Variants in ZNF385B observed in about 807,000 individuals in gnomAD.
The protein encoded by ZNF385B is zinc finger protein 385B, also known as zinc finger protein 533.
Under a neutral mutation model 39.2 loss-of-function variants are expected in ZNF385B, and 23 were observed. The observed-to-expected ratio is 0.59, with a 90% CI of 0.42 to 0.83. The LOEUF (loss-of-function observed/expected upper bound fraction) is 0.83. Ranked by LOEUF, ZNF385B falls within the 40% of genes least tolerant of loss-of-function variation. ZNF385B has a pLI of 0.00. For synonymous variants in ZNF385B, 205 were observed against 222.6 expected (o/e 0.92, Z 0.70); for missense variants, 552 against 598.9 (o/e 0.92, Z 0.82).
At chr2:179,725,806 T>C (rs1035412054) in intron 3 of ZNF385B, among the ~76,000 whole-genome samples, 5 of 150,934 alleles carry the variant, frequency 3.3e-5, no homozygotes, top group African/African-American at 9.7e-5. Context: ...CTTTTAAATA[T>C]ATGAACCTAT....
At position 179,584,322 on chromosome 2, in the gene ZNF385B, C is replaced by T. The variant is rs182332715; in HGVS notation, c.299-39353G>A. 2.3e-3 allele frequency among the ~76,000 whole-genome samples: 349 copies of T among 152,088 alleles called. 1 individual carries two copies. Among genetic ancestry groups the T allele is most frequent in the African/African-American group, 8.0e-3 (332 of 41,458 alleles). ...GGGTGGGGAGGGCAAAATAATCCTC[C>T]TACCACCTATCCTCTCACTCCCTAA... is the stretch of plus-strand genomic sequence containing the variant. On this transcript the variant is annotated intron_variant, in intron 3 of 9. Transcript: ENST00000410066.
chr2:179,724,709 A>G (rs1700896453), intron 3 of ZNF385B, among the ~76,000 whole-genome samples: 1 of 152,190 alleles, frequency 6.6e-6, no homozygotes, highest in Non-Finnish European at 1.5e-5. Flanking sequence ...ACTTTGCAGG[A>G]TAAAAATATT....
intron 3 of ZNF385B, among the ~76,000 whole-genome samples, chr2:179,652,252 T>C (rs1409801081): frequency 6.6e-6 from 1 of 152,162 alleles, no homozygotes; most frequent in African/African-American, 2.4e-5. Context: ...ATGAGTATGG[T>C]TCTAAAGTAT....
intron 3 of ZNF385B, among the ~76,000 whole-genome samples, chr2:179,552,901 C>CAT (rs576433309): frequency 1.3e-5 from 2 of 149,290 alleles, no homozygotes; most frequent in East Asian, 1.9e-4. Flanking sequence ...TACATATACT[C>CAT]ATATATATAC....
intron 3 of ZNF385B, among the ~76,000 whole-genome samples, chr2:179,718,124 C>T (rs1189455701): frequency 6.6e-6 from 1 of 151,814 alleles, no homozygotes; most frequent in Non-Finnish European, 1.5e-5. Flanking sequence ...ATTATTCTAC[C>T]AATATTTTAA....
intron 3 of ZNF385B, among the ~76,000 whole-genome samples, chr2:179,730,131 T>C (rs1048233357): frequency 2.6e-5 from 4 of 152,188 alleles, no homozygotes; most frequent in African/African-American, 7.2e-5. Flanking sequence ...TAACACTGCA[T>C]TGGGACAATT....
intron 6 of ZNF385B, among the ~76,000 whole-genome samples, chr2:179,469,328 T>C (rs1255491661): frequency 6.6e-6 from 1 of 152,190 alleles, no homozygotes; most frequent in Non-Finnish European, 1.5e-5. Context: ...TCATAATGTT[T>C]TAAGAAAGTT....
chr2:179,670,184 C>T (rs1034897030), intron 3 of ZNF385B, among the ~76,000 whole-genome samples: 3 of 149,262 alleles, frequency 2.0e-5, no homozygotes, highest in East Asian at 4.0e-4. Flanking sequence ...CCCAGCTACT[C>T]GGGAGGCTGA....
intron 3 of ZNF385B, among the ~76,000 whole-genome samples, chr2:179,594,591 C>T (rs1030586214): frequency 5.9e-5 from 9 of 152,150 alleles, no homozygotes; most frequent in African/African-American, 2.2e-4. Flanking sequence ...CTAAGGTTGA[C>T]TCAGTTACTA....
intron 1 of ZNF385B, among the ~76,000 whole-genome samples, chr2:179,787,947 G>C (rs1326866991): frequency 2.6e-5 from 4 of 152,136 alleles, no homozygotes; most frequent in Admixed American, 6.6e-5. Flanking sequence ...TTAATTCACT[G>C]AAACAAATTT....
intron 3 of ZNF385B, among the ~76,000 whole-genome samples, chr2:179,754,457 A>T (rs1373964771): frequency 6.6e-6 from 1 of 152,192 alleles, no homozygotes; most frequent in Non-Finnish European, 1.5e-5. Context: ...AAAATGAGTT[A>T]GGGAGGATTC....
chr2:179,616,557 A>G (rs1178920704), intron 3 of ZNF385B, among the ~76,000 whole-genome samples: 1 of 149,690 alleles, frequency 6.7e-6, no homozygotes, highest in Non-Finnish European at 1.5e-5. Context: ...TAATCAATGA[A>G]TCAATTAGGT....
At chr2:179,818,905 TC>T (rs1314844595) in intron 1 of ZNF385B, among the ~76,000 whole-genome samples, 2 of 152,152 alleles carry the variant, frequency 1.3e-5, no homozygotes, top group Non-Finnish European at 2.9e-5. Context: ...GAGTGCCAGT[TC>T]CAATGGCCTC....
At chr2:179,633,327 C>A (rs1421971849) in intron 3 of ZNF385B, among the ~76,000 whole-genome samples, 7 of 152,110 alleles carry the variant, frequency 4.6e-5, no homozygotes, top group African/African-American at 1.7e-4. Context: ...AAACTGAATC[C>A]AGCAGCACAT....
intron 5 of ZNF385B, among the ~76,000 whole-genome samples, chr2:179,510,407 G>T (rs1171654283): frequency 6.6e-6 from 1 of 151,938 alleles, no homozygotes; most frequent in Non-Finnish European, 1.5e-5. Flanking sequence ...GTTTATATAT[G>T]TGAATATACA....
At chr2:179,477,444 CTCT>C (rs1470802948) in intron 6 of ZNF385B, among the ~76,000 whole-genome samples, 1 of 152,162 alleles carries the variant, frequency 6.6e-6, no homozygotes, top group Non-Finnish European at 1.5e-5. Flanking sequence ...TATCTTCTTT[CTCT>C]TCTTCTCATG....
chr2:179,853,919 A>C (rs1684376962), intron 1 of ZNF385B, among the ~76,000 whole-genome samples: 1 of 152,206 alleles, frequency 6.6e-6, no homozygotes, highest in African/African-American at 2.4e-5. Flanking sequence ...ACCAAACTCG[A>C]CATTTAGGCT....
chr2:179,638,246 A>C (rs1374565673), intron 3 of ZNF385B, among the ~76,000 whole-genome samples: 2 of 152,214 alleles, frequency 1.3e-5, no homozygotes, highest in African/African-American at 4.8e-5. Flanking sequence ...AAATGAAAAC[A>C]ATGACAACAA....
intron 3 of ZNF385B, among the ~76,000 whole-genome samples, chr2:179,598,260 G>A (rs887339576): frequency 2.0e-5 from 3 of 152,086 alleles, no homozygotes; most frequent in Non-Finnish European, 4.4e-5. Flanking sequence ...CGACTCAACT[G>A]CCTCCCCTGC....
Sources: gnomAD v4.1 joint callset for allele counts (sites outside exome capture counted in the v4.1 genomes callset) on GRCh38, gnomAD v4.1.1 for gene constraint, MANE v1.5 for transcripts, NCBI Gene and HGNC (gene_info 2026-07-23, HGNC 2026-07-21) for gene names.